The following CDC42SE2 variants were observed in gnomAD, a reference collection of about 807,000 sequenced individuals.
CDC42SE2 encodes the protein CDC42 small effector protein 2.
Under a neutral mutation model 11.5 loss-of-function variants are expected in CDC42SE2, and 3 were observed. That is an observed-to-expected ratio of 0.26 (90% CI 0.12 to 0.67). The LOEUF (loss-of-function observed/expected upper bound fraction) is 0.67, where lower values mean the gene tolerates loss of function less well. Among genes scored for constraint, CDC42SE2 ranks in the 30% least tolerant of loss-of-function variants. The pLI is 0.80. For missense variants in CDC42SE2, 82 were observed against 106.8 expected (o/e 0.77, Z 1.02); for synonymous variants, 33 against 34.8 (o/e 0.95, Z 0.18).
upstream of CDC42SE2, among the ~76,000 whole-genome samples, chr5:131,244,626 G>T (rs975319670): frequency 1.3e-5 from 2 of 152,124 alleles, no homozygotes; most frequent in African/African-American, 2.4e-5. Context: ...CAAGAGAATC[G>T]CTTGAACCCG....
At chr5:131,373,668 A>G (rs1750072746) in intron 3 of CDC42SE2, among the ~76,000 whole-genome samples, 1 of 152,216 alleles carries the variant, frequency 6.6e-6, no homozygotes, top group Admixed American at 6.5e-5. Flanking sequence ...AATGAACTGA[A>G]TAAAAGAACT....
intron 2 of CDC42SE2, among the ~76,000 whole-genome samples, chr5:131,347,818 A>C (rs1364801169): frequency 2.0e-5 from 3 of 152,250 alleles, no homozygotes; most frequent in South Asian, 2.1e-4. Context: ...AGTGGGCTTT[A>C]TCCCTGGGAT....
chr5:131,228,267 T>G, the CDC42SE2 span, among the ~76,000 whole-genome samples: 15 of 151,886 alleles, frequency 9.9e-5, no homozygotes, highest in African/African-American at 3.6e-4. Flanking sequence ...CTCAGGAGGC[T>G]GTGGTAGGAG....
intron 2 of CDC42SE2, among the ~76,000 whole-genome samples, chr5:131,257,118 G>A (rs1430379136): frequency 6.6e-6 from 1 of 152,172 alleles, no homozygotes; most frequent in Non-Finnish European, 1.5e-5. Flanking sequence ...CCAGCTAGTG[G>A]TGGGGTCAAA....
intron 4 of CDC42SE2, among the ~76,000 whole-genome samples, chr5:131,386,603 C>T (rs1338423750): frequency 6.6e-6 from 1 of 152,192 alleles, no homozygotes; most frequent in Non-Finnish European, 1.5e-5. Context: ...ATCTACTCAG[C>T]TGACCTTTTA....
At chr5:131,245,169 G>A (rs1756570860), upstream of CDC42SE2, among the ~76,000 whole-genome samples, 1 of 152,144 alleles carries the variant, frequency 6.6e-6, no homozygotes, top group Non-Finnish European at 1.5e-5. Flanking sequence ...CAAGGAGGAG[G>A]CAACAAACAT....
intron 1 of CDC42SE2, among the ~76,000 whole-genome samples, chr5:131,295,368 A>G (rs552810192): frequency 6.6e-6 from 1 of 152,272 alleles, no homozygotes; most frequent in Admixed American, 6.5e-5. Context: ...AAGTATTGGC[A>G]GTGACCTTAA....
upstream of CDC42SE2, among the ~76,000 whole-genome samples, chr5:131,244,109 A>G (rs1284295791): frequency 2.0e-5 from 3 of 152,248 alleles, no homozygotes; most frequent in Non-Finnish European, 4.4e-5. Context: ...ACCATTCCAC[A>G]ATGATAAAAT....
At position 131,359,394 on chromosome 5, in the gene CDC42SE2, G is replaced by C; in HGVS notation, c.-100G>C. On this transcript the variant is annotated 5_prime_UTR_variant, in exon 3 of 5. Coordinates refer to ENST00000505065, the MANE Select transcript of CDC42SE2 (RefSeq NM_001375635.1). ...CGGTGAAATAATAAAATTTCATCTT[G>C]GCATCACTGGACATCATCGTATTGA... is the stretch of plus-strand genomic sequence containing the variant. 1.2e-6 allele frequency: 1 copy of C among 843,610 alleles called. No homozygotes were observed. The highest frequency in any genetic ancestry group is 1.7e-5 in the African/African-American group (1 of 60,184). 52.3% of individuals were successfully genotyped at this position (843,610 alleles called of 1,614,324 possible). A position where few individuals can be genotyped will look rare whatever the true frequency, so the allele number is the denominator to read the frequency against.
chr5:131,383,119 A>AG (rs1282863534), intron 3 of CDC42SE2, among the ~76,000 whole-genome samples: 1 of 152,186 alleles, frequency 6.6e-6, no homozygotes, highest in African/African-American at 2.4e-5. Context: ...TGGGGAACAG[A>AG]GGAAAAGACC....
the CDC42SE2 span, among the ~76,000 whole-genome samples, chr5:131,232,254 C>CA: frequency 6.6e-6 from 1 of 152,048 alleles, no homozygotes; most frequent in Admixed American, 6.6e-5. Flanking sequence ...GCTGGGACTA[C>CA]AGGCGTTCAC....
At chr5:131,292,116 G>C (rs1162406812) in intron 1 of CDC42SE2, among the ~76,000 whole-genome samples, 1 of 151,614 alleles carries the variant, frequency 6.6e-6, no homozygotes, top group East Asian at 1.9e-4. Flanking sequence ...GCGCATGCCT[G>C]TTGTCTCAAC....
chr5:131,335,870 A>C (rs1042856194), intron 2 of CDC42SE2, among the ~76,000 whole-genome samples: 1 of 152,156 alleles, frequency 6.6e-6, no homozygotes, highest in African/African-American at 2.4e-5. Flanking sequence ...TTCTCTGCAC[A>C]TGAGATGGGT....
chr5:131,368,271 AAAG>A (rs1749920186), intron 3 of CDC42SE2, among the ~76,000 whole-genome samples: 2 of 151,612 alleles, frequency 1.3e-5, no homozygotes, highest in East Asian at 1.9e-4. Flanking sequence ...AAAAAAAAAA[AAAG>A]AAGTCTTTCC....
At chr5:131,323,547 G>GTTTTTT (rs1171213231) in intron 2 of CDC42SE2, among the ~76,000 whole-genome samples, 17 of 82,582 alleles carry the variant, frequency 2.1e-4, no homozygotes, top group Admixed American at 3.6e-4. Flanking sequence ...TCTCTCTCTG[G>GTTTTTT]TTTTTTTTTT....
At chr5:131,254,098 A>G (rs1218357505) in intron 1 of CDC42SE2, among the ~76,000 whole-genome samples, 1 of 152,210 alleles carries the variant, frequency 6.6e-6, no homozygotes, top group Non-Finnish European at 1.5e-5. Context: ...GGTTTGTTAC[A>G]TAGGTATACA....
chr5:131,294,134 A>G (rs903989480), intron 1 of CDC42SE2, among the ~76,000 whole-genome samples: 9 of 152,204 alleles, frequency 5.9e-5, no homozygotes, highest in Non-Finnish European at 8.8e-5. Flanking sequence ...CACTGTTTGA[A>G]AAGTACGCAC....
chr5:131,353,188 G>A (rs1051145376), intron 2 of CDC42SE2, among the ~76,000 whole-genome samples: 10 of 151,910 alleles, frequency 6.6e-5, no homozygotes, highest in African/African-American at 2.4e-4. Context: ...GGTTGGTCTC[G>A]AACTCCTGGT....
the CDC42SE2 span, among the ~76,000 whole-genome samples, chr5:131,210,963 G>A: frequency 6.6e-6 from 1 of 152,158 alleles, no homozygotes; most frequent in Non-Finnish European, 1.5e-5. Flanking sequence ...TCAGCCTCCT[G>A]AGTAGCTGGG....
Sources: allele counts gnomAD v4.1 joint callset (sites outside exome capture counted in the v4.1 genomes callset), GRCh38; gene constraint gnomAD v4.1.1; transcripts MANE v1.5; gene names NCBI Gene and HGNC (gene_info 2026-07-23, HGNC 2026-07-21).